RBM20: variants seen among roughly 807,000 people sequenced by gnomAD.
RBM20 encodes RNA binding motif protein 20, also known as RNA-binding protein 20.
A neutral mutation model predicts 110.1 loss-of-function variants in RBM20; 51 were observed. That is an observed-to-expected ratio of 0.46 (90% CI 0.37 to 0.59). The LOEUF (loss-of-function observed/expected upper bound fraction) is 0.59. Ranked by LOEUF, RBM20 falls within the 20% of genes least tolerant of loss-of-function variation. The probability of loss-of-function intolerance (pLI) is 0.00; values close to 1 mark genes in which losing one functional copy is unlikely to be tolerated. For missense variants in RBM20, 1,512 were observed against 1,574.9 expected, an observed-to-expected ratio of 0.96 and a Z score of 0.68; for synonymous variants, 589 against 618.2, an observed-to-expected ratio of 0.95 and a Z score of 0.70.
At chr10:110,717,487 T>G (rs1336059407) in intron 1 of RBM20, among the ~76,000 whole-genome samples, 1 of 152,166 alleles carries the variant, frequency 6.6e-6, no homozygotes, top group African/African-American at 2.4e-5. Context: ...CCCCCTTCAG[T>G]TCTGCAGAGC....
intron 9 of RBM20, among the ~76,000 whole-genome samples, chr10:110,815,919 G>A (rs1844832024): frequency 6.6e-6 from 1 of 152,114 alleles, no homozygotes; most frequent in African/African-American, 2.4e-5. Flanking sequence ...TAGGTTTGGA[G>A]CCAGGCAGTC....
At chr10:110,749,194 C>A (rs1391479656) in intron 1 of RBM20, among the ~76,000 whole-genome samples, 2 of 152,158 alleles carry the variant, frequency 1.3e-5, no homozygotes, top group South Asian at 4.1e-4. Context: ...ATAAATGAAG[C>A]ACAAGGATGG....
chr10:110,687,843 G>A (rs1188624561), intron 1 of RBM20, among the ~76,000 whole-genome samples: 3 of 152,074 alleles, frequency 2.0e-5, no homozygotes, highest in East Asian at 1.9e-4. Flanking sequence ...CAACATTTAC[G>A]ATACATATAA....
intron 1 of RBM20, among the ~76,000 whole-genome samples, chr10:110,670,862 T>C (rs1344535320): frequency 6.6e-6 from 1 of 152,224 alleles, no homozygotes; most frequent in Admixed American, 6.5e-5. Context: ...ATTTTTCTCT[T>C]TTGTGTTCCT....
chr10:110,745,716 C>A (rs1228427651), intron 1 of RBM20, among the ~76,000 whole-genome samples: 1 of 152,130 alleles, frequency 6.6e-6, no homozygotes, highest in Non-Finnish European at 1.5e-5. Context: ...GGAGCTGTCA[C>A]TTTCAACATG....
At chr10:110,691,702 A>ATTT (rs1393167760) in intron 1 of RBM20, among the ~76,000 whole-genome samples, 3 of 152,108 alleles carry the variant, frequency 2.0e-5, no homozygotes, top group Non-Finnish European at 4.4e-5. Flanking sequence ...ATTTGCATAT[A>ATTT]TTTTCTTCCA....
At chr10:110,676,847 T>C (rs1295761444) in intron 1 of RBM20, among the ~76,000 whole-genome samples, 1 of 152,214 alleles carries the variant, frequency 6.6e-6, no homozygotes, top group Non-Finnish European at 1.5e-5. Flanking sequence ...CAAGAGGCTA[T>C]AAAGAGGTTT....
chr10:110,836,876 C>G lies in RBM20; in HGVS notation c.*898C>G, dbSNP rs1191359830. The G allele has an allele frequency of 6.6e-6, 1 of 152,194 alleles. No homozygotes were observed. The highest frequency in any genetic ancestry group is 1.5e-5 in the Non-Finnish European group (1 of 68,036). The allele number at this position is 152,194 out of a possible 1,614,324, so 9.4% of individuals were successfully genotyped here. A position where few individuals can be genotyped will look rare whatever the true frequency, so the allele number is the denominator to read the frequency against. On this transcript the variant is annotated 3_prime_UTR_variant, in exon 14 of 14. Transcript: ENST00000369519. ...CAGCTAAAGCAGCAGTTGGCGCGGGCTTAGGTTGAATGCTGGCCTCTCTGC... is the reference window on the plus strand; with the variant it reads ...CAGCTAAAGCAGCAGTTGGCGCGGGGTTAGGTTGAATGCTGGCCTCTCTGC...
chr10:110,728,300 A>G (rs1590640137), intron 1 of RBM20, among the ~76,000 whole-genome samples: 1 of 152,128 alleles, frequency 6.6e-6, no homozygotes, highest in Admixed American at 6.5e-5. Flanking sequence ...TGCATGGCCC[A>G]GGGCCCCTGC....
intron 1 of RBM20, among the ~76,000 whole-genome samples, chr10:110,667,199 A>G (rs968821022): frequency 2.0e-5 from 3 of 152,176 alleles, no homozygotes; most frequent in Non-Finnish European, 4.4e-5. Context: ...TTCATTTAGA[A>G]AAGAAGACTG....
intron 5 of RBM20, among the ~76,000 whole-genome samples, chr10:110,796,268 T>C (rs1844548896): frequency 6.6e-6 from 1 of 152,268 alleles, no homozygotes; most frequent in African/African-American, 2.4e-5. Context: ...CTGTATGTGC[T>C]GATATTCTTT....
At chr10:110,788,154 C>T (rs919727860) in intron 5 of RBM20, among the ~76,000 whole-genome samples, 2 of 152,120 alleles carry the variant, frequency 1.3e-5, no homozygotes, top group Admixed American at 6.5e-5. Flanking sequence ...AGCCTCTCTG[C>T]GAGGATCTGA....
rs979401687 is a variant in RBM20 at position 110,829,645 on chromosome 10, G to A, written c.3452-1416G>A. 2.0e-5 allele frequency among the ~76,000 whole-genome samples: 3 copies of A among 152,178 alleles called. No homozygotes were observed. The East Asian group carries it at 5.8e-4, about 29-fold the overall frequency. On this transcript the variant is annotated intron_variant, in intron 12 of 13. Coordinates refer to ENST00000369519, the MANE Select transcript of RBM20 (RefSeq NM_001134363.3). ...AAAAAAGTTCTAATGACAAGTCTAGGCTGCTTCCTTCTGACAGGGTCTCCT... is the reference window on the plus strand; with the variant it reads ...AAAAAAGTTCTAATGACAAGTCTAGACTGCTTCCTTCTGACAGGGTCTCCT...
upstream of RBM20, among the ~76,000 whole-genome samples, chr10:110,643,585 A>C (rs1283711724): frequency 6.6e-6 from 1 of 152,176 alleles, no homozygotes; most frequent in African/African-American, 2.4e-5. Flanking sequence ...AACAAGAATA[A>C]AATGTACGCA....
chr10:110,772,528 TACTC>T (rs1844207006), intron 1 of RBM20, among the ~76,000 whole-genome samples: 1 of 152,242 alleles, frequency 6.6e-6, no homozygotes, highest in Non-Finnish European at 1.5e-5. Flanking sequence ...TATGCACAAA[TACTC>T]ACCATTGTGT....
upstream of RBM20, among the ~76,000 whole-genome samples, chr10:110,643,856 G>T (rs1037486326): frequency 1.3e-5 from 2 of 152,198 alleles, no homozygotes; most frequent in Non-Finnish European, 2.9e-5. Context: ...GGCTCCAGCC[G>T]CGAGCAGATG....
chr10:110,768,681 A>G (rs1174271740), intron 1 of RBM20, among the ~76,000 whole-genome samples: 1 of 152,214 alleles, frequency 6.6e-6, no homozygotes, highest in East Asian at 1.9e-4. Flanking sequence ...CCCAGTGTTG[A>G]GCCACATAGG....
rs182572918 is a variant in RBM20 at position 110,808,809 on chromosome 10, C to T, written c.1801-1574C>T. ...CTCAACAATAACAGATAATCAGCCA[C>T]GCCACTCAGAGCACTCATACCATGC... On this transcript the variant is annotated intron_variant, in intron 7 of 13. Transcript: ENST00000369519. Among the ~76,000 whole-genome samples the T allele has an allele frequency of 2.0e-4, 30 of 152,256 alleles. No homozygotes were observed. The East Asian group carries it at 2.5e-3, about 13-fold the overall frequency.
rs556533304 is a variant in RBM20 at position 110,683,771 on chromosome 10, G to A, written c.191+39126G>A. On this transcript the variant is annotated intron_variant, in intron 1 of 13. Transcript: ENST00000369519. The stretch of plus-strand genomic sequence containing the variant: ...TATGTTGAGTCAGTTTTTTAAAATA[G>A]GAGAAACTTCTATTTCTATCTACAG... Among the ~76,000 whole-genome samples, 6 of 152,302 alleles carry A rather than the reference G, an allele frequency of 3.9e-5. No individual in the cohort carries two copies. The East Asian group carries it at 1.2e-3, about 29-fold the overall frequency.
Sources: allele counts gnomAD v4.1 joint callset (sites outside exome capture counted in the v4.1 genomes callset), GRCh38; gene constraint gnomAD v4.1.1; transcripts MANE v1.5; gene names NCBI Gene and HGNC (gene_info 2026-07-23, HGNC 2026-07-21).